Variants in MLLT10 observed in about 807,000 individuals in gnomAD.
MLLT10 encodes protein AF-10.
In MLLT10, 30 loss-of-function variants were observed where a neutral mutation model predicts 129.1. The ratio of observed to expected loss-of-function variants is 0.23; its 90% confidence interval spans 0.17 to 0.32. The LOEUF (loss-of-function observed/expected upper bound fraction) is 0.32. Among genes scored for constraint, MLLT10 ranks in the 10% least tolerant of loss-of-function variants. The pLI, the probability that MLLT10 is intolerant of heterozygous loss-of-function variation, is 1.00. For synonymous variants in MLLT10, 490 were observed against 446.4 expected (o/e 1.10, Z -1.23); for missense variants, 1,119 against 1,268.3 (o/e 0.88, Z 1.79).
At chr10:21,667,362 T>TG (rs1040361746) in intron 9 of MLLT10, among the ~76,000 whole-genome samples, 24 of 150,982 alleles carry the variant, frequency 1.6e-4, no homozygotes, top group Middle Eastern at 3.4e-3. Flanking sequence ...TCTTAAACTG[T>TG]GGGGGTTTTT....
chr10:21,725,839 C>T (rs1300891497), intron 14 of MLLT10, among the ~76,000 whole-genome samples: 2 of 151,446 alleles, frequency 1.3e-5, no homozygotes, highest in Non-Finnish European at 2.9e-5. Flanking sequence ...CAAGCTCCAC[C>T]TCCTGGGTTC....
At position 21,612,458 on chromosome 10, in the gene MLLT10, A is replaced by T; in HGVS notation, c.509+7A>T. On this transcript the variant is annotated splice_region_variant and intron_variant, in intron 6 of 22. Transcript: ENST00000307729. ...AGGCTTTCCATGTAACATGGTAAGGATGTTTCCATTGTTGCACAGAACTGA... is the reference window on the plus strand; with the variant it reads ...AGGCTTTCCATGTAACATGGTAAGGTTGTTTCCATTGTTGCACAGAACTGA... 1.3e-6 allele frequency: 2 copies of T among 1,585,762 alleles called. No individual in the cohort carries two copies. Among genetic ancestry groups the T allele is most frequent in the African/African-American group, 1.3e-5 (1 of 74,268 alleles).
chr10:21,626,401 A>G (rs1010236740), intron 8 of MLLT10: 2 of 614,774 alleles, frequency 3.3e-6, no homozygotes, highest in Non-Finnish European at 5.8e-6. Flanking sequence ...TTATGTTTAC[A>G]TGGCAAAGAA....
intron 13 of MLLT10, among the ~76,000 whole-genome samples, chr10:21,687,680 G>A (rs1203686261): frequency 6.6e-6 from 1 of 152,172 alleles, no homozygotes; most frequent in Non-Finnish European, 1.5e-5. Flanking sequence ...AAGGGGAAGG[G>A]AACTAGGCCT....
chr10:21,581,309 GT>G (rs960517668), intron 3 of MLLT10, among the ~76,000 whole-genome samples: 2 of 152,042 alleles, frequency 1.3e-5, no homozygotes, highest in Non-Finnish European at 1.5e-5. Flanking sequence ...GCCTCCCAAA[GT>G]GCTGAGATTA....
At chr10:21,583,861 C>A (rs1231262248) in intron 3 of MLLT10, among the ~76,000 whole-genome samples, 1 of 151,982 alleles carries the variant, frequency 6.6e-6, no homozygotes, top group Non-Finnish European at 1.5e-5. Context: ...CAAACTTTAT[C>A]AATAGGCTCA....
At chr10:21,622,323 ATTTTTTTTTT>A (rs57240669) in intron 8 of MLLT10, among the ~76,000 whole-genome samples, 1 of 136,736 alleles carries the variant, frequency 7.3e-6, no homozygotes, top group African/African-American at 2.7e-5. Context: ...ATGCCGGCCA[ATTTTTTTTTT>A]TTTTTTTTTA....
chr10:21,713,682 T>G, intron 13 of MLLT10, 90 bp from the exon 14 acceptor site: 1 of 1,109,848 alleles, frequency 9.0e-7, no homozygotes, highest in Non-Finnish European at 1.3e-6. Context: ...GGAGGAGGGA[T>G]CCAGGAGGAA....
chr10:21,621,795 T>G (rs965077991), intron 8 of MLLT10, among the ~76,000 whole-genome samples: 3 of 152,246 alleles, frequency 2.0e-5, no homozygotes, highest in African/African-American at 7.2e-5. Context: ...GTCCCTCTTC[T>G]GTCGTGACTC....
At chr10:21,730,589 A>G (rs561132460) in intron 16 of MLLT10, among the ~76,000 whole-genome samples, 1 of 152,288 alleles carries the variant, frequency 6.6e-6, no homozygotes, top group Admixed American at 6.5e-5. Context: ...CTTTTGTCTT[A>G]TAATGCCATA....
intron 3 of MLLT10, among the ~76,000 whole-genome samples, chr10:21,556,136 T>G (rs933489635): frequency 1.3e-5 from 2 of 151,924 alleles, no homozygotes; most frequent in African/African-American, 2.4e-5. Context: ...CCACCACACC[T>G]GGCTAATTTT....
chr10:21,550,658 A>G (rs2036852026), intron 3 of MLLT10, among the ~76,000 whole-genome samples: 1 of 152,062 alleles, frequency 6.6e-6, no homozygotes, highest in African/African-American at 2.4e-5. Flanking sequence ...TAGCCTTATG[A>G]GTAGCTGGGA....
intron 8 of MLLT10, among the ~76,000 whole-genome samples, chr10:21,622,641 T>C (rs555572944): frequency 1.3e-5 from 2 of 152,228 alleles, no homozygotes; most frequent in Non-Finnish European, 2.9e-5. Flanking sequence ...TGCCTGTTAA[T>C]GTTAGTTAAT....
chr10:21,736,103 G>C (rs1303547122), intron 21 of MLLT10, among the ~76,000 whole-genome samples: 1 of 152,080 alleles, frequency 6.6e-6, no homozygotes, highest in African/African-American at 2.4e-5. Context: ...ACAGAATAGT[G>C]AAATAATGAT....
At position 21,591,295 on chromosome 10, in the gene MLLT10, G is replaced by A. The variant is rs1419367955; in HGVS notation, c.296-4036G>A. Among the ~76,000 whole-genome samples, 3 of 152,174 alleles carry A rather than the reference G, an allele frequency of 2.0e-5. No individual in the cohort carries two copies. In the East Asian group the frequency reaches 5.8e-4, roughly 29 times the overall value. ...GCTGGTCTCAAACTGCTGAGCTCCA[G>A]CGATTAACAGGCATGAACCACTGTC... On this transcript the variant is annotated intron_variant, in intron 4 of 22. Coordinates refer to ENST00000307729, the MANE Select transcript of MLLT10 (RefSeq NM_001195626.3).
intron 8 of MLLT10, among the ~76,000 whole-genome samples, chr10:21,646,366 GTTA>G (rs2048475852): frequency 4.6e-5 from 7 of 152,066 alleles, no homozygotes; most frequent in Admixed American, 4.6e-4. Context: ...ATTTGGTAAT[GTTA>G]TTATTATAAA....
At chr10:21,707,255 C>T (rs1051599672) in intron 13 of MLLT10, among the ~76,000 whole-genome samples, 3 of 147,850 alleles carry the variant, frequency 2.0e-5, no homozygotes, top group Non-Finnish European at 4.4e-5. Context: ...TGCAGTGGCG[C>T]GATCTCGACT....
At chr10:21,688,357 G>T in intron 13 of MLLT10, 3 of 696,226 alleles carry the variant, frequency 4.3e-6, no homozygotes, top group East Asian at 2.6e-5. Context: ...AGGTTTCATG[G>T]GGATTTTAAC....
intron 2 of MLLT10, among the ~76,000 whole-genome samples, 192 bp from the exon 3 acceptor site, chr10:21,538,641 G>T (rs1055438470): frequency 1.3e-5 from 2 of 152,068 alleles, no homozygotes; most frequent in Non-Finnish European, 2.9e-5. Context: ...CAAAAGAGTT[G>T]CATTTAAAAT....
Sources: gnomAD v4.1 joint callset for allele counts (sites outside exome capture counted in the v4.1 genomes callset) on GRCh38, gnomAD v4.1.1 for gene constraint, MANE v1.5 for transcripts, NCBI Gene and HGNC (gene_info 2026-07-23, HGNC 2026-07-21) for gene names.